The following CNTNAP2 variants were observed in gnomAD, a reference collection of about 807,000 sequenced individuals.
CNTNAP2 encodes contactin associated protein 2.
A neutral mutation model predicts 155.2 loss-of-function variants in CNTNAP2; 98 were observed. The observed-to-expected ratio is 0.63, with a 90% CI of 0.54 to 0.75. CNTNAP2 has a LOEUF of 0.75. Among genes scored for constraint, CNTNAP2 ranks in the 30% least tolerant of loss-of-function variants. The pLI is 0.00. For synonymous variants in CNTNAP2, 651 were observed against 631.2 expected (o/e 1.03, Z -0.47); for missense variants, 1,727 against 1,688.1 (o/e 1.02, Z -0.40).
At chr7:147,723,250 G>A (rs868462745) in intron 13 of CNTNAP2, among the ~76,000 whole-genome samples, 2 of 152,052 alleles carry the variant, frequency 1.3e-5, no homozygotes, top group Admixed American at 6.6e-5. Context: ...CTGTGAACAC[G>A]TATGTCAGAA....
At chr7:146,860,320 T>C (rs927349172) in intron 3 of CNTNAP2, among the ~76,000 whole-genome samples, 1 of 152,138 alleles carries the variant, frequency 6.6e-6, no homozygotes, top group African/African-American at 2.4e-5. Flanking sequence ...GGGAGGTTGC[T>C]TTCTTTTTTA....
chr7:147,346,972 C>T (rs1027865196), intron 9 of CNTNAP2, among the ~76,000 whole-genome samples: 6 of 151,884 alleles, frequency 4.0e-5, no homozygotes, highest in Non-Finnish European at 7.4e-5. Context: ...ATTCATTATC[C>T]TATTATGAAC....
chr7:146,361,507 T>A (rs909018539), intron 1 of CNTNAP2, among the ~76,000 whole-genome samples: 4 of 152,228 alleles, frequency 2.6e-5, no homozygotes, highest in African/African-American at 9.6e-5. Context: ...AGGATTCAAG[T>A]GTTCACTGTA....
chr7:146,317,162 A>G (rs2129091739), intron 1 of CNTNAP2, among the ~76,000 whole-genome samples: 1 of 152,286 alleles, frequency 6.6e-6, no homozygotes, highest in South Asian at 2.1e-4. Flanking sequence ...CTTTGATTAT[A>G]ATGTTCTTTA....
At chr7:146,301,182 T>C (rs891507376) in intron 1 of CNTNAP2, among the ~76,000 whole-genome samples, 2 of 152,168 alleles carry the variant, frequency 1.3e-5, no homozygotes, top group South Asian at 2.1e-4. Flanking sequence ...TGGTAAATTT[T>C]AATGACATTT....
chr7:147,119,083 T>C (rs1401886758), intron 5 of CNTNAP2, among the ~76,000 whole-genome samples: 2 of 152,162 alleles, frequency 1.3e-5, no homozygotes, highest in East Asian at 3.9e-4. Context: ...ATTTTTGTTT[T>C]TTGTACACAT....
At chr7:146,596,401 A>G (rs1055994682) in intron 1 of CNTNAP2, among the ~76,000 whole-genome samples, 6 of 151,894 alleles carry the variant, frequency 4.0e-5, no homozygotes, top group African/African-American at 1.4e-4. Flanking sequence ...GTAATAGGAG[A>G]AGAGGAAATA....
chr7:146,709,561 C>T (rs549157848), intron 1 of CNTNAP2, among the ~76,000 whole-genome samples: 6 of 152,194 alleles, frequency 3.9e-5, no homozygotes, highest in South Asian at 2.1e-4. Flanking sequence ...TATGATTGTC[C>T]GGAGAACCCT....
chr7:148,282,176 A>G (rs561989600), intron 21 of CNTNAP2, among the ~76,000 whole-genome samples: 1 of 152,310 alleles, frequency 6.6e-6, no homozygotes, highest in South Asian at 2.1e-4. Context: ...ATCTTTGCTT[A>G]TCACCCAAAT....
intron 12 of CNTNAP2, among the ~76,000 whole-genome samples, chr7:147,633,041 G>C (rs1387811256): frequency 1.3e-5 from 2 of 152,236 alleles, no homozygotes; most frequent in African/African-American, 4.8e-5. Flanking sequence ...ATTCAAACAG[G>C]CTGCAGAAAT....
chr7:146,663,371 A>ATT (rs971306474), intron 1 of CNTNAP2, among the ~76,000 whole-genome samples: 133 of 147,824 alleles, frequency 9.0e-4, no homozygotes, highest in African/African-American at 2.9e-3. Flanking sequence ...TCACTTTCTC[A>ATT]TTTTTTTTTT....
intron 10 of CNTNAP2, among the ~76,000 whole-genome samples, chr7:147,411,529 GA>G (rs1228066002): frequency 6.6e-6 from 1 of 152,072 alleles, no homozygotes; most frequent in East Asian, 1.9e-4. Context: ...AATATATCTA[GA>G]AAGCGATCCG....
At chr7:146,617,283 AC>A (rs1799242334) in intron 1 of CNTNAP2, among the ~76,000 whole-genome samples, 1 of 152,198 alleles carries the variant, frequency 6.6e-6, no homozygotes, top group Admixed American at 6.5e-5. Flanking sequence ...TCCAAATTCC[AC>A]TACCTTTGGT....
At chr7:148,345,175 C>T (rs559989227) in intron 21 of CNTNAP2, among the ~76,000 whole-genome samples, 5 of 152,138 alleles carry the variant, frequency 3.3e-5, no homozygotes, top group African/African-American at 9.6e-5. Context: ...TAACTCTCTG[C>T]GGGGTTCACA....
intron 22 of CNTNAP2, among the ~76,000 whole-genome samples, chr7:148,403,660 T>C (rs1799637154): frequency 2.0e-5 from 3 of 152,340 alleles, no homozygotes; most frequent in Admixed American, 1.3e-4. Flanking sequence ...GTCTCAGTCA[T>C]GTTTCTTGGT....
intron 20 of CNTNAP2, among the ~76,000 whole-genome samples, chr7:148,256,314 A>C (rs112465344): frequency 2.9e-4 from 44 of 152,266 alleles, no homozygotes; most frequent in African/African-American, 9.6e-4. Flanking sequence ...ACATGGGAAA[A>C]TACTATTCCT....
intron 2 of CNTNAP2, among the ~76,000 whole-genome samples, chr7:146,800,379 G>T (rs1267229408): frequency 6.6e-6 from 1 of 152,226 alleles, no homozygotes; most frequent in Non-Finnish European, 1.5e-5. Flanking sequence ...GGCCTGGGAA[G>T]ACCAGCTGGC....
In CNTNAP2 at chr7:147,128,848, C is replaced by G; in HGVS notation, c.1083+12C>G. 1 of 1,613,854 alleles carries G rather than the reference C, an allele frequency of 6.2e-7. No individual in the cohort carries two copies. The highest frequency in any genetic ancestry group is 8.5e-7 in the Non-Finnish European group (1 of 1,179,814). On this transcript the variant is annotated intron_variant, in intron 7 of 23. Coordinates refer to ENST00000361727, the MANE Select transcript of CNTNAP2 (RefSeq NM_014141.6). ...AGCCCTCAAATGTGGTAAGGATTTTCACCCGCAAAATATTGGTCTATAAAA... is the reference window on the plus strand; with the variant it reads ...AGCCCTCAAATGTGGTAAGGATTTTGACCCGCAAAATATTGGTCTATAAAA...
chr7:148,398,078 C>T (rs544665988), intron 22 of CNTNAP2, among the ~76,000 whole-genome samples: 1 of 152,324 alleles, frequency 6.6e-6, no homozygotes, highest in East Asian at 1.9e-4. Flanking sequence ...AAGAGCCGAA[C>T]TGGGCATTCA....
Sources: gnomAD v4.1 joint callset for allele counts (sites outside exome capture counted in the v4.1 genomes callset) on GRCh38, gnomAD v4.1.1 for gene constraint, MANE v1.5 for transcripts, NCBI Gene and HGNC (gene_info 2026-07-23, HGNC 2026-07-21) for gene names.